NAALADL2: variants seen among roughly 807,000 people sequenced by gnomAD.
NAALADL2 encodes the protein inactive N-acetylated-alpha-linked acidic dipeptidase-like protein 2.
In NAALADL2, 76 loss-of-function variants were observed where a neutral mutation model predicts 87.2. The observed-to-expected ratio is 0.87, with a 90% confidence interval of 0.72 to 1.05. The LOEUF is 1.05. NAALADL2 is among the 50% of genes least tolerant of loss of function. NAALADL2 has a pLI of 0.00. For synonymous variants in NAALADL2, 354 were observed against 331.0 expected, an observed-to-expected ratio of 1.07 and a Z score of -0.75; for missense variants, 1,089 against 945.8, an observed-to-expected ratio of 1.15 and a Z score of -1.99.
At chr3:175,061,319 A>G (rs1230018656) in intron 1 of NAALADL2, among the ~76,000 whole-genome samples, 2 of 152,242 alleles carry the variant, frequency 1.3e-5, no homozygotes, top group Non-Finnish European at 2.9e-5. Flanking sequence ...AAAGCATTTT[A>G]TAAGCAGAAT....
At chr3:175,494,554 TTACCAG>T (rs1286945972) in intron 9 of NAALADL2, among the ~76,000 whole-genome samples, 1 of 152,122 alleles carries the variant, frequency 6.6e-6, no homozygotes, top group African/African-American at 2.4e-5. Context: ...TCAGTTCTAG[TTACCAG>T]TATCATCTCA....
chr3:174,849,485 C>T (rs1724997233), intron 3 of NAALADL2, among the ~76,000 whole-genome samples: 1 of 151,844 alleles, frequency 6.6e-6, no homozygotes, highest in Non-Finnish European at 1.5e-5. Context: ...GCCTGTAATC[C>T]CAGCACTTTG....
At chr3:174,780,038 T>C (rs185369509) in intron 3 of NAALADL2, among the ~76,000 whole-genome samples, 5 of 152,306 alleles carry the variant, frequency 3.3e-5, no homozygotes, top group Admixed American at 6.5e-5. Flanking sequence ...GGGGATAGCA[T>C]TGAATCTATA....
chr3:174,829,379 T>G (rs1722371677), intron 3 of NAALADL2, among the ~76,000 whole-genome samples: 1 of 150,324 alleles, frequency 6.7e-6, no homozygotes, highest in Admixed American at 6.7e-5. Context: ...GTTTTTTTGT[T>G]CTTGCGATAG....
At chr3:175,558,686 T>C (rs955818766) in intron 9 of NAALADL2, among the ~76,000 whole-genome samples, 2 of 152,234 alleles carry the variant, frequency 1.3e-5, no homozygotes, top group African/African-American at 4.8e-5. Flanking sequence ...ACACTGTCCT[T>C]TCCCCAATGT....
chr3:174,729,961 G>A (rs1732553034), intron 2 of NAALADL2, among the ~76,000 whole-genome samples: 1 of 152,022 alleles, frequency 6.6e-6, no homozygotes, highest in Non-Finnish European at 1.5e-5. Flanking sequence ...ACAGGCTCTT[G>A]TCTAATTTTA....
rs574916228 is a variant in NAALADL2, at chr3:174,629,156, TA to T, written c.-115+78520del. ...GAATGTACAGATGAGGCAATTACAT[TA>T]TTTAGGGGCAGTTATGCTTATATTT... On this transcript the variant is annotated intron_variant, in intron 2 of 3. Coordinates refer to the NAALADL2 transcript ENST00000434257. 2.6e-5 allele frequency among the ~76,000 whole-genome samples: 4 copies of T among 152,274 alleles called. No individual in the cohort carries two copies. The South Asian group carries it at 6.2e-4, about 24-fold the overall frequency.
intron 3 of NAALADL2, among the ~76,000 whole-genome samples, chr3:174,779,556 A>G (rs950366526): frequency 4.9e-4 from 74 of 152,248 alleles, no homozygotes; most frequent in African/African-American, 1.5e-3. Context: ...GCCTATGCCT[A>G]TGTCCTGAAT....
chr3:175,016,989 G>A (rs1248483927), intron 1 of NAALADL2, among the ~76,000 whole-genome samples: 1 of 151,894 alleles, frequency 6.6e-6, no homozygotes, highest in East Asian at 1.9e-4. Flanking sequence ...TCACACTAAT[G>A]CTTTATCAAA....
chr3:175,670,528 A>G (rs1733841646), intron 11 of NAALADL2, among the ~76,000 whole-genome samples: 2 of 145,634 alleles, frequency 1.4e-5, no homozygotes, highest in South Asian at 4.2e-4. Flanking sequence ...TATTAAATGT[A>G]AATTTAATTA....
At chr3:175,141,166 C>T (rs953284729) in intron 2 of NAALADL2, among the ~76,000 whole-genome samples, 7 of 152,110 alleles carry the variant, frequency 4.6e-5, no homozygotes, top group African/African-American at 1.7e-4. Context: ...GTTGTTAGCT[C>T]AGTCAAAGTC....
At chr3:175,181,718 T>TGTGTGTGTGTATATGC (rs1553802465) in intron 2 of NAALADL2, among the ~76,000 whole-genome samples, 1,153 of 72,304 alleles carry the variant, frequency 0.016, 20 homozygotes, top group East Asian at 0.047. Context: ...TGTGTGTGTG[T>TGTGTGTGTGTATATGC]ATATATATGT....
chr3:174,979,518 G>A (rs565211790), intron 1 of NAALADL2, among the ~76,000 whole-genome samples: 1 of 151,868 alleles, frequency 6.6e-6, no homozygotes, highest in East Asian at 1.9e-4. Context: ...TGTTAGCCAG[G>A]ATGGTCTCCA....
intron 5 of NAALADL2, among the ~76,000 whole-genome samples, chr3:175,385,324 G>A (rs1170154166): frequency 6.6e-6 from 1 of 152,064 alleles, no homozygotes; most frequent in East Asian, 1.9e-4. Flanking sequence ...TTTAAAGGAA[G>A]CCTTCAATAA....
chr3:174,971,989 C>T (rs1277806301), intron 1 of NAALADL2, among the ~76,000 whole-genome samples: 11 of 152,108 alleles, frequency 7.2e-5, no homozygotes, highest in Non-Finnish European at 1.0e-4. Flanking sequence ...TGAGCCACCG[C>T]GTCCAGCCGT....
intron 2 of NAALADL2, among the ~76,000 whole-genome samples, chr3:174,706,102 G>A (rs1054444496): frequency 6.6e-6 from 1 of 152,170 alleles, no homozygotes; most frequent in African/African-American, 2.4e-5. Flanking sequence ...ATTAGTAAAA[G>A]TTTAATGTAA....
chr3:175,561,733 T>C (rs1582408259), intron 9 of NAALADL2, among the ~76,000 whole-genome samples: 1 of 152,302 alleles, frequency 6.6e-6, no homozygotes, highest in East Asian at 1.9e-4. Context: ...ATTTCACCTT[T>C]ATCCTCCCCT....
chr3:174,753,623 G>A (rs1476189008), intron 3 of NAALADL2, among the ~76,000 whole-genome samples: 1 of 152,228 alleles, frequency 6.6e-6, no homozygotes, highest in Non-Finnish European at 1.5e-5. Context: ...GGGAGGGGAT[G>A]GGGGATAAGA....
At chr3:174,774,210 C>A (rs1358174527) in intron 3 of NAALADL2, among the ~76,000 whole-genome samples, 1 of 152,166 alleles carries the variant, frequency 6.6e-6, no homozygotes, top group Non-Finnish European at 1.5e-5. Context: ...TAGCTACCCT[C>A]TGTGGCATTC....
Sources: allele counts gnomAD v4.1 joint callset (sites outside exome capture counted in the v4.1 genomes callset), GRCh38; gene constraint gnomAD v4.1.1; transcripts MANE v1.5; gene names NCBI Gene and HGNC (gene_info 2026-07-23, HGNC 2026-07-21).